The following PLD5 variants were observed in gnomAD, a reference collection of about 807,000 sequenced individuals.
PLD5 encodes the protein inactive phospholipase D5.
Under a neutral mutation model 61.1 loss-of-function variants are expected in PLD5, and 36 were observed. The ratio of observed to expected loss-of-function variants is 0.59; its 90% CI spans 0.45 to 0.78. The LOEUF is 0.78. PLD5 is among the 30% of genes least tolerant of loss of function. The pLI is 0.00. For synonymous variants in PLD5, 243 were observed against 242.8 expected (o/e 1.00, Z -0.01); for missense variants, 515 against 644.4 (o/e 0.80, Z 2.17).
chr1:242,247,079 G>A (rs1672425772), intron 4 of PLD5, among the ~76,000 whole-genome samples: 1 of 151,140 alleles, frequency 6.6e-6, no homozygotes, highest in Non-Finnish European at 1.5e-5. Context: ...CGCCTCCCGG[G>A]TTCACGCCAT....
At chr1:242,267,744 A>G (rs895521510) in intron 3 of PLD5, among the ~76,000 whole-genome samples, 1 of 150,226 alleles carries the variant, frequency 6.7e-6, no homozygotes, top group African/African-American at 2.4e-5. Context: ...AAAAAAAGCC[A>G]GGCATGATGG....
At chr1:242,199,415 C>T (rs1170237368) in intron 5 of PLD5, among the ~76,000 whole-genome samples, 1 of 152,018 alleles carries the variant, frequency 6.6e-6, no homozygotes, top group African/African-American at 2.4e-5. Flanking sequence ...CCACCACGCC[C>T]AGCTAATTTT....
chr1:242,343,299 T>C (rs1659945729), intron 2 of PLD5, among the ~76,000 whole-genome samples: 2 of 152,108 alleles, frequency 1.3e-5, no homozygotes, highest in Non-Finnish European at 2.9e-5. Flanking sequence ...CAGCACTTTA[T>C]GATAGTGACA....
chr1:242,440,031 T>A (rs1371963200), intron 1 of PLD5, among the ~76,000 whole-genome samples: 2 of 152,154 alleles, frequency 1.3e-5, no homozygotes, highest in Non-Finnish European at 2.9e-5. Flanking sequence ...TTCAATCCTT[T>A]AAATATCACC....
At chr1:242,217,128 G>A (rs1195303738) in intron 5 of PLD5, among the ~76,000 whole-genome samples, 1 of 152,198 alleles carries the variant, frequency 6.6e-6, no homozygotes. Flanking sequence ...TAGCTCTGAC[G>A]AAGATGGGCA....
intron 1 of PLD5, among the ~76,000 whole-genome samples, chr1:242,437,757 G>C (rs892024867): frequency 2.6e-5 from 4 of 152,038 alleles, no homozygotes; most frequent in African/African-American, 9.7e-5. Context: ...AATATCCTAA[G>C]TGTTTCATAA....
At chr1:242,201,960 A>G (rs561027878) in intron 5 of PLD5, among the ~76,000 whole-genome samples, 1 of 152,310 alleles carries the variant, frequency 6.6e-6, no homozygotes, top group African/African-American at 2.4e-5. Context: ...CACGCCTGTA[A>G]TCCCAGCACT....
At chr1:242,462,514 T>C (rs2102938882) in intron 1 of PLD5, among the ~76,000 whole-genome samples, 1 of 151,298 alleles carries the variant, frequency 6.6e-6, no homozygotes, top group African/African-American at 2.4e-5. Context: ...CTACTTATGC[T>C]CACCGCCTGG....
intron 2 of PLD5, among the ~76,000 whole-genome samples, chr1:242,344,264 C>T (rs527528705): frequency 2.3e-4 from 35 of 152,116 alleles, no homozygotes; most frequent in Non-Finnish European, 3.7e-4. Flanking sequence ...TACAGCCTAC[C>T]GAAGCCAATA....
chr1:242,379,932 G>A (rs1316968818), intron 1 of PLD5, among the ~76,000 whole-genome samples: 2 of 151,098 alleles, frequency 1.3e-5, no homozygotes, highest in Non-Finnish European at 3.0e-5. Context: ...CCACACAAAT[G>A]GATCCACACT....
rs75121694 is a variant in PLD5 at position 242,460,534 on chromosome 1, A to G, written c.189+63554T>C. Among the ~76,000 whole-genome samples the G allele has an allele frequency of 9.7e-3, 1,480 of 152,260 alleles. 30 individuals carry two copies. The highest frequency in any genetic ancestry group is 0.034 in the African/African-American group (1,411 of 41,540). On this transcript the variant is annotated intron_variant, in intron 1 of 9. Coordinates refer to ENST00000536534, the MANE Select transcript of PLD5 (RefSeq NM_001372062.1). ...CTAGGCTTTCAAACTTGATTTGAGA[A>G]TGAAAGGAGGAAGGAAGAAGATAAT... is the stretch of plus-strand genomic sequence containing the variant.
chr1:242,384,493 A>G (rs2149258785), intron 1 of PLD5, among the ~76,000 whole-genome samples: 1 of 152,362 alleles, frequency 6.6e-6, no homozygotes. Flanking sequence ...CCAGAACATT[A>G]AAGAATTGTA....
intron 5 of PLD5, among the ~76,000 whole-genome samples, chr1:242,183,264 T>C (rs1231432730): frequency 1.3e-5 from 2 of 152,218 alleles, no homozygotes; most frequent in African/African-American, 4.8e-5. Flanking sequence ...TTGAGTATCT[T>C]ATTAAGACAT....
At chr1:242,481,070 T>G (rs1249523434) in intron 1 of PLD5, among the ~76,000 whole-genome samples, 1 of 152,096 alleles carries the variant, frequency 6.6e-6, no homozygotes, top group Non-Finnish European at 1.5e-5. Context: ...AATAAAGACT[T>G]CTGGGGGTTG....
chr1:242,200,889 C>T lies in PLD5; in HGVS notation c.735+19099G>A, dbSNP rs187182650. Among the ~76,000 whole-genome samples the T allele has an allele frequency of 8.5e-4, 130 of 152,264 alleles. 1 individual carries two copies. In the East Asian group the frequency reaches 0.022, roughly 26 times the overall value. ...ATTATGAGTTTATTAACATGTTATG[C>T]GTGTGTTTGGTTATCTTAATCTTGC... On this transcript the variant is annotated intron_variant, in intron 5 of 9. Coordinates refer to ENST00000536534, the MANE Select transcript of PLD5 (RefSeq NM_001372062.1).
intron 2 of PLD5, among the ~76,000 whole-genome samples, chr1:242,335,499 C>A (rs914144058): frequency 2.6e-5 from 4 of 152,098 alleles, no homozygotes; most frequent in African/African-American, 9.7e-5. Context: ...ATGTGAAAAT[C>A]AAGTCAAAAT....
intron 2 of PLD5, among the ~76,000 whole-genome samples, chr1:242,297,957 T>G (rs1392960918): frequency 6.6e-6 from 1 of 152,216 alleles, no homozygotes; most frequent in Non-Finnish European, 1.5e-5. Context: ...TGTTTCTTAA[T>G]TCAAAGTTTT....
intron 1 of PLD5, among the ~76,000 whole-genome samples, chr1:242,402,786 G>A (rs910479275): frequency 6.6e-5 from 10 of 152,192 alleles, no homozygotes; most frequent in African/African-American, 2.4e-4. Flanking sequence ...GGTAAGCAGT[G>A]AATAGAAGAC....
chr1:242,290,106 A>C (rs1418968339), intron 2 of PLD5, among the ~76,000 whole-genome samples: 3 of 150,718 alleles, frequency 2.0e-5, no homozygotes, highest in African/African-American at 7.3e-5. Context: ...CCTAGCCCTC[A>C]GAAACAGAAT....
Sources: gnomAD v4.1 joint callset for allele counts (sites outside exome capture counted in the v4.1 genomes callset) on GRCh38, gnomAD v4.1.1 for gene constraint, MANE v1.5 for transcripts, NCBI Gene and HGNC (gene_info 2026-07-23, HGNC 2026-07-21) for gene names.